Variants in ANKRD28 observed in about 807,000 individuals in gnomAD.
ANKRD28 encodes the protein serine/threonine-protein phosphatase 6 regulatory ankyrin repeat subunit A.
In ANKRD28, 44 loss-of-function variants were observed where a neutral mutation model predicts 126.5. The observed-to-expected ratio is 0.35, with a 90% CI of 0.27 to 0.45. The LOEUF (loss-of-function observed/expected upper bound fraction) is 0.45, where lower values mean the gene tolerates loss of function less well. ANKRD28 is among the 20% of genes least tolerant of loss of function. ANKRD28 has a pLI of 1.00. For synonymous variants in ANKRD28, 442 were observed against 468.5 expected (o/e 0.94, Z 0.73); for missense variants, 1,110 against 1,316.6 (o/e 0.84, Z 2.43).
At chr3:15,686,176 C>T (rs368153983) in intron 19 of ANKRD28, 46 bp downstream of exon 19, 185 of 1,593,690 alleles carry the variant, frequency 1.2e-4, no homozygotes, top group Admixed American at 1.6e-4. Context: ...CTCTGGTTTT[C>T]GAAATACGCC....
intron 13 of ANKRD28, among the ~76,000 whole-genome samples, chr3:15,709,408 G>C (rs574495307): frequency 1.3e-5 from 2 of 152,056 alleles, no homozygotes; most frequent in African/African-American, 4.8e-5. Flanking sequence ...TTTTGGAGGG[G>C]GGGAAGTGAT....
intron 17 of ANKRD28, among the ~76,000 whole-genome samples, chr3:15,691,215 C>G (rs1435840397): frequency 6.6e-6 from 1 of 152,000 alleles, no homozygotes; most frequent in Non-Finnish European, 1.5e-5. Flanking sequence ...CTCCGCCTCC[C>G]TGGGTTCAAG....
intron 2 of ANKRD28, among the ~76,000 whole-genome samples, chr3:15,778,337 G>A (rs1176561653): frequency 6.6e-6 from 1 of 152,108 alleles, no homozygotes; most frequent in African/African-American, 2.4e-5. Context: ...TTCAGGCATG[G>A]TGTGACTGGG....
chr3:15,677,406 T>C (rs2067056152), intron 25 of ANKRD28, 74 bp downstream of exon 25: 1 of 1,100,270 alleles, frequency 9.1e-7, no homozygotes, highest in South Asian at 1.3e-5. Context: ...TTGTTCATTT[T>C]AGTGAAGTCA....
chr3:15,850,190 T>TTAAAAAAAAA lies in ANKRD28; in HGVS notation c.27+9186_27+9187insTTTTTTTTTA, dbSNP rs1393900361. ...GGGACAACTGGGTATCTACATGCAA[T>TTAAAAAAAAA]AAAAAAAAAAAAAAATATATATATA... is the stretch of plus-strand genomic sequence containing the variant. On this transcript the variant is annotated intron_variant, in intron 1 of 27. Coordinates refer to the ANKRD28 transcript ENST00000399451. Among the ~76,000 whole-genome samples, 2 of 31,964 alleles carry TTAAAAAAAAA rather than the reference T, an allele frequency of 6.3e-5. 1 individual carries two copies. The highest frequency in any genetic ancestry group is 1.8e-4 in the African/African-American group (2 of 11,102). 21.0% of individuals were successfully genotyped at this position (31,964 alleles called of 152,430 possible).
rs57072807 is a variant in ANKRD28 at position 15,767,700 on chromosome 3, T to TAAAAAA, written c.202-1394_202-1389dup. ...TAACACAATGAAACCTAGTCTCTAC[T>TAAAAAA]AAAAAAAAAAAAAAAAAAAAAAAAA... On this transcript the variant is annotated intron_variant, in intron 2 of 27. Coordinates refer to ENST00000683139, the MANE Select transcript of ANKRD28 (RefSeq NM_001349278.2). Among the ~76,000 whole-genome samples, 12 of 64,354 alleles carry TAAAAAA rather than the reference T, an allele frequency of 1.9e-4. 2 individuals carry two copies. Among genetic ancestry groups the TAAAAAA allele is most frequent in the East Asian group, 3.1e-4 (1 of 3,278 alleles). 42.2% of individuals were successfully genotyped at this position (64,354 alleles called of 152,430 possible). A position where few individuals can be genotyped will look rare whatever the true frequency, so the allele number is the denominator to read the frequency against.
At chr3:15,775,085 C>T (rs1266445131) in intron 2 of ANKRD28, among the ~76,000 whole-genome samples, 1 of 144,266 alleles carries the variant, frequency 6.9e-6, no homozygotes, top group East Asian at 2.6e-4. Flanking sequence ...CCATGTTGGC[C>T]AGGCTGGTCT....
upstream of ANKRD28, among the ~76,000 whole-genome samples, chr3:15,798,451 C>A (rs2060374147): frequency 6.6e-6 from 1 of 152,046 alleles, no homozygotes; most frequent in Non-Finnish European, 1.5e-5. Context: ...TTAAGATTGT[C>A]TAACAATTTC....
chr3:15,722,127 T>A (rs2073798908), intron 7 of ANKRD28, among the ~76,000 whole-genome samples: 1 of 152,090 alleles, frequency 6.6e-6, no homozygotes, highest in African/African-American at 2.4e-5. Context: ...CAAAGAGAGG[T>A]CTGTCCTTTG....
intron 8 of ANKRD28, 108 bp from the exon 9 acceptor site, chr3:15,714,764 T>A: frequency 1.3e-6 from 1 of 752,004 alleles, no homozygotes; most frequent in Non-Finnish European, 2.0e-6. Context: ...CTATTTTACA[T>A]GAATTAAGTT....
intron 14 of ANKRD28, among the ~76,000 whole-genome samples, chr3:15,699,280 T>C (rs1391343697): frequency 1.3e-5 from 2 of 151,986 alleles, no homozygotes; most frequent in Non-Finnish European, 2.9e-5. Flanking sequence ...CCTAAAACCA[T>C]AAAAAACCCT....
chr3:15,797,824 A>G lies in ANKRD28; in HGVS notation c.-1303T>C. 1.0e-6 allele frequency: 1 copy of G among 985,420 alleles called. No individual in the cohort carries two copies. The highest frequency in any genetic ancestry group is 1.2e-6 in the Non-Finnish European group (1 of 829,926). The allele number at this position is 985,420 out of a possible 1,614,324, so 61.0% of individuals were successfully genotyped here. A position where few individuals can be genotyped will look rare whatever the true frequency, so the allele number is the denominator to read the frequency against. The stretch of plus-strand genomic sequence containing the variant: ...GATGATCTTGCAAAACACCACTGAC[A>G]TCCCCAAATGAGTAGGTCCTTAAAA... On this transcript the variant is annotated 5_prime_UTR_variant, in exon 1 of 28. An upstream start codon of the reference 5' UTR is lost. Coordinates refer to ENST00000683139, the MANE Select transcript of ANKRD28 (RefSeq NM_001349278.2).
At chr3:15,745,559 T>A (rs1185048628) in intron 4 of ANKRD28, among the ~76,000 whole-genome samples, 1 of 152,220 alleles carries the variant, frequency 6.6e-6, no homozygotes, top group African/African-American at 2.4e-5. Context: ...TTCTGTTCCA[T>A]TGCTCTATAT....
chr3:15,718,080 C>T (rs754724098), intron 8 of ANKRD28, among the ~76,000 whole-genome samples: 2 of 151,972 alleles, frequency 1.3e-5, no homozygotes, highest in African/African-American at 2.4e-5. Context: ...TTAATAACAC[C>T]GATTTTACAA....
At chr3:15,782,564 T>G (rs897579988) in intron 2 of ANKRD28, among the ~76,000 whole-genome samples, 1 of 151,976 alleles carries the variant, frequency 6.6e-6, no homozygotes, top group African/African-American at 2.4e-5. Context: ...GGAACTAAAT[T>G]TGAAATACAG....
In ANKRD28 at chr3:15,685,448, G is replaced by A; in HGVS notation, c.2170-3C>T. 1 of 1,613,402 alleles carries A rather than the reference G, an allele frequency of 6.2e-7. No individual in the cohort carries two copies. The highest frequency in any genetic ancestry group is 2.2e-5 in the East Asian group (1 of 44,882). On this transcript the variant is annotated splice_polypyrimidine_tract_variant and splice_region_variant and intron_variant, in intron 20 of 27. Coordinates refer to ENST00000683139, the MANE Select transcript of ANKRD28 (RefSeq NM_001349278.2). ...CATTCTTCATGGCCTGTAACTGCCT[G>A]AAAGAAAATAATTTAAAGGTAGTCA...
chr3:15,800,766 G>C (rs1017569525), upstream of ANKRD28, among the ~76,000 whole-genome samples: 4 of 152,074 alleles, frequency 2.6e-5, no homozygotes, highest in Non-Finnish European at 5.9e-5. Context: ...TTTAGGGACT[G>C]TAAAATTCCT....
intron 1 of ANKRD28, among the ~76,000 whole-genome samples, chr3:15,825,345 C>G (rs1426888577): frequency 6.6e-6 from 1 of 152,106 alleles, no homozygotes; most frequent in Non-Finnish European, 1.5e-5. Flanking sequence ...GCTAATTTTT[C>G]AAATTAAATC....
chr3:15,760,201 G>A (rs956265417), intron 3 of ANKRD28, among the ~76,000 whole-genome samples: 1 of 152,126 alleles, frequency 6.6e-6, no homozygotes, highest in Non-Finnish European at 1.5e-5. Flanking sequence ...GAGGGTGGAC[G>A]ATAAGAGGAG....
Sources: gnomAD v4.1 joint callset for allele counts (sites outside exome capture counted in the v4.1 genomes callset) on GRCh38, gnomAD v4.1.1 for gene constraint, MANE v1.5 for transcripts, NCBI Gene and HGNC (gene_info 2026-07-23, HGNC 2026-07-21) for gene names.